The following CDH9 variants were observed in gnomAD, a reference collection of about 807,000 sequenced individuals.
The protein encoded by CDH9 is cadherin 9.
CDH9 carries 28 observed loss-of-function variants against 70.9 expected under a neutral mutation model. That is an observed-to-expected ratio of 0.40 (90% CI 0.29 to 0.54). CDH9 has a LOEUF of 0.54. Ranked by LOEUF, CDH9 falls within the 20% of genes least tolerant of loss-of-function variation. The pLI is 0.59. For missense variants in CDH9, 874 were observed against 984.4 expected, an observed-to-expected ratio of 0.89 and a Z score of 1.50; for synonymous variants, 409 against 343.1, an observed-to-expected ratio of 1.19 and a Z score of -2.12.
Position 26,885,717 on chromosome 5 carries a change from A to G in CDH9, c.1779T>C (p.Asn593=). The G allele has an allele frequency of 3.1e-6, 5 of 1,613,688 alleles. No homozygotes were observed. Among genetic ancestry groups the G allele is most frequent in the Non-Finnish European group, 4.2e-6 (5 of 1,179,852 alleles). ...CGGTGCAGGATTGCATGTTTCCTTG[A>G]TTATCGCAGGCACACACACGGATAG... The part of the protein sequence containing the change: ...TLTIRVCACD[N]QGNMQSCTAE... The change falls in exon 11 of 12, where the codon AAT becomes AAC. Residue 593 remains asparagine (N), a synonymous_variant. Coordinates refer to ENST00000231021, the MANE Select transcript of CDH9 (RefSeq NM_016279.4).
chr5:26,968,263 G>T (rs923860602), intron 2 of CDH9, among the ~76,000 whole-genome samples: 2 of 151,552 alleles, frequency 1.3e-5, no homozygotes, highest in South Asian at 4.2e-4. Context: ...AACGTTTCTG[G>T]AATTGATGGT....
At chr5:26,983,393 A>G (rs535391543) in intron 2 of CDH9, among the ~76,000 whole-genome samples, 1 of 152,318 alleles carries the variant, frequency 6.6e-6, no homozygotes, top group African/African-American at 2.4e-5. Flanking sequence ...ACTGCTTCTG[A>G]TCATTACAAA....
chr5:26,980,673 C>T (rs938810338), intron 2 of CDH9, among the ~76,000 whole-genome samples: 2 of 151,906 alleles, frequency 1.3e-5, no homozygotes, highest in African/African-American at 2.4e-5. Flanking sequence ...TCTAAACAAA[C>T]AAACATGCAT....
chr5:26,884,905 C>T (rs549204827), intron 11 of CDH9, among the ~76,000 whole-genome samples: 3 of 152,250 alleles, frequency 2.0e-5, no homozygotes, highest in Admixed American at 6.6e-5. Context: ...GCTGTTGGAA[C>T]ATGACTTTAT....
chr5:26,989,184 A>G (rs993315241), intron 1 of CDH9, among the ~76,000 whole-genome samples: 2 of 152,060 alleles, frequency 1.3e-5, no homozygotes, highest in East Asian at 1.9e-4. Flanking sequence ...ATTTTGAAAC[A>G]ATGTCTCCCT....
intron 5 of CDH9, 49 bp downstream of exon 5, chr5:26,905,910 A>G: frequency 7.4e-7 from 1 of 1,356,282 alleles, no homozygotes; most frequent in Non-Finnish European, 1.1e-6. Context: ...CTCGGCTACT[A>G]GTGTATTTGA....
chr5:26,953,690 C>T (rs944642834), intron 2 of CDH9, among the ~76,000 whole-genome samples: 2 of 152,156 alleles, frequency 1.3e-5, no homozygotes, highest in Non-Finnish European at 1.5e-5. Context: ...TTTCCTCTCT[C>T]TCATCCCTTC....
chr5:26,980,733 T>C (rs947260332), intron 2 of CDH9, among the ~76,000 whole-genome samples: 1 of 151,968 alleles, frequency 6.6e-6, no homozygotes, highest in African/African-American at 2.4e-5. Context: ...CTAAATACAG[T>C]TTATGTATTA....
intron 2 of CDH9, among the ~76,000 whole-genome samples, chr5:26,955,574 C>A (rs1579475038): frequency 3.0e-4 from 1 of 3,376 alleles, no homozygotes; most frequent in African/African-American, 6.7e-4. Flanking sequence ...GTGGCAGTAT[C>A]TCTCTCTCTC....
chr5:26,960,495 G>A (rs912926897), intron 2 of CDH9, among the ~76,000 whole-genome samples: 1 of 151,818 alleles, frequency 6.6e-6, no homozygotes, highest in Admixed American at 6.6e-5. Flanking sequence ...AAAATCTCTG[G>A]ATAGTATTCA....
At chr5:26,989,210 T>G (rs1742539540) in intron 1 of CDH9, among the ~76,000 whole-genome samples, 1 of 152,074 alleles carries the variant, frequency 6.6e-6, no homozygotes, top group African/African-American at 2.4e-5. Context: ...TATAATAAGT[T>G]GATTATTCTT....
chr5:26,928,144 T>C (rs1469007004), intron 2 of CDH9, among the ~76,000 whole-genome samples: 3 of 152,014 alleles, frequency 2.0e-5, no homozygotes, highest in Non-Finnish European at 4.4e-5. Flanking sequence ...ACCAATTCAG[T>C]AAAATTGCAG....
chr5:26,989,522 C>CTCTG (rs1346614039), intron 1 of CDH9, among the ~76,000 whole-genome samples: 8 of 151,528 alleles, frequency 5.3e-5, no homozygotes, highest in African/African-American at 1.9e-4. Context: ...CTCTCTCTCT[C>CTCTG]TCTCTCTCTC....
At chr5:26,946,487 G>T (rs1161144655) in intron 2 of CDH9, among the ~76,000 whole-genome samples, 1 of 152,106 alleles carries the variant, frequency 6.6e-6, no homozygotes, top group Non-Finnish European at 1.5e-5. Flanking sequence ...GTATGATAAA[G>T]ATTTAATGCC....
intron 2 of CDH9, among the ~76,000 whole-genome samples, chr5:26,940,921 C>T (rs924496972): frequency 5.3e-5 from 8 of 152,168 alleles, no homozygotes; most frequent in African/African-American, 1.9e-4. Flanking sequence ...CCTCCCATAG[C>T]GTGTTACTGA....
At chr5:26,978,538 T>C (rs989524503) in intron 2 of CDH9, among the ~76,000 whole-genome samples, 1 of 151,672 alleles carries the variant, frequency 6.6e-6, no homozygotes, top group African/African-American at 2.4e-5. Context: ...AAAATACTTG[T>C]ATTTGAAGTT....
intron 3 of CDH9, among the ~76,000 whole-genome samples, chr5:26,911,442 T>A (rs995802690): frequency 2.0e-5 from 3 of 152,136 alleles, no homozygotes; most frequent in Admixed American, 6.6e-5. Flanking sequence ...GACCGAGTTA[T>A]TTTTGTTGTC....
intron 2 of CDH9, among the ~76,000 whole-genome samples, chr5:26,951,291 CAAAAAAAAA>C (rs796799417): frequency 1.2e-5 from 1 of 86,200 alleles, no homozygotes; most frequent in African/African-American, 5.5e-5. Flanking sequence ...GACTCTGTCT[CAAAAAAAAA>C]AAAAAAAAAA....
In CDH9 at chr5:26,992,431, A is replaced by G. The variant is rs116462140; in HGVS notation, c.-49-4049T>C. Among the ~76,000 whole-genome samples, 1,459 of 152,290 alleles carry G rather than the reference A, an allele frequency of 9.6e-3. 25 individuals carry two copies. Among genetic ancestry groups the G allele is most frequent in the African/African-American group, 0.033 (1,381 of 41,560 alleles). On this transcript the variant is annotated intron_variant, in intron 1 of 11. Transcript: ENST00000231021. The stretch of plus-strand genomic sequence containing the variant: ...TGACCATGTGAAGACACAGCAGAAC[A>G]ATGGCCATCTATGAACCAGGAAACT...
Sources: allele counts gnomAD v4.1 joint callset (sites outside exome capture counted in the v4.1 genomes callset), GRCh38; gene constraint gnomAD v4.1.1; transcripts MANE v1.5; gene names NCBI Gene and HGNC (gene_info 2026-07-23, HGNC 2026-07-21).